RRM2: variants seen among roughly 807,000 people sequenced by gnomAD.
RRM2 encodes ribonucleoside-diphosphate reductase subunit M2.
Under a neutral mutation model 45.9 loss-of-function variants are expected in RRM2, and 6 were observed. The ratio of observed to expected loss-of-function variants is 0.13; its 90% CI spans 0.07 to 0.26. The LOEUF (loss-of-function observed/expected upper bound fraction) is 0.26. RRM2 is among the 10% of genes least tolerant of loss of function. The pLI, the probability that RRM2 is intolerant of heterozygous loss-of-function variation, is 1.00. For missense variants in RRM2, 343 were observed against 489.5 expected (o/e 0.70, Z 2.82); for synonymous variants, 177 against 173.0 (o/e 1.02, Z -0.18).
intron 3 of RRM2, among the ~76,000 whole-genome samples, chr2:10,176,174 T>C (rs1230269232): frequency 6.6e-6 from 1 of 152,234 alleles, no homozygotes; most frequent in Non-Finnish European, 1.5e-5. Context: ...GCTGTGAACA[T>C]GTGTGCACAA....
chr2:10,196,322 C>CA (rs1008467950), intron 3 of RRM2, among the ~76,000 whole-genome samples: 3 of 152,218 alleles, frequency 2.0e-5, no homozygotes, highest in Non-Finnish European at 2.9e-5. Context: ...GTCTCCCAGG[C>CA]AGCCTTCTTG....
chr2:10,201,167 G>T (rs1331781922), intron 3 of RRM2, among the ~76,000 whole-genome samples: 1 of 148,808 alleles, frequency 6.7e-6, no homozygotes, highest in African/African-American at 2.5e-5. Flanking sequence ...AAAAAAGAAA[G>T]AAAGAAAGAA....
intron 3 of RRM2, among the ~76,000 whole-genome samples, chr2:10,174,548 G>GACT (rs2125323435): frequency 6.8e-6 from 1 of 147,416 alleles, no homozygotes; most frequent in East Asian, 2.0e-4. Context: ...AGACCTCAAT[G>GACT]ACTGTAGACT....
At chr2:10,190,798 G>A (rs1572527540) in intron 3 of RRM2, among the ~76,000 whole-genome samples, 1 of 149,314 alleles carries the variant, frequency 6.7e-6, no homozygotes, top group African/African-American at 2.5e-5. Flanking sequence ...GTGATGGTGG[G>A]GTTGGTGGTG....
Position 10,200,432 on chromosome 2 carries a change from C to T in RRM2, n.483-9879C>T, listed in dbSNP as rs553889610. On this transcript the variant is annotated intron_variant and non_coding_transcript_variant, in intron 3 of 3. Coordinates refer to the RRM2 transcript ENST00000381786. ...CAAAATATGAGGCCCACAGGGACCG[C>T]GCGCGCAAAATATGAGGCCCACAGG... 3.6e-4 allele frequency among the ~76,000 whole-genome samples: 49 copies of T among 137,812 alleles called. 2 individuals are homozygous for T. Among genetic ancestry groups the T allele is most frequent in the African/African-American group, 1.3e-3 (47 of 36,488 alleles). 90.4% of individuals were successfully genotyped at this position (137,812 alleles called of 152,430 possible).
intron 3 of RRM2, among the ~76,000 whole-genome samples, chr2:10,191,801 C>T (rs891429428): frequency 5.3e-5 from 8 of 152,146 alleles, no homozygotes; most frequent in African/African-American, 1.7e-4. Context: ...TCAGACCTGG[C>T]GTGGGAGCTG....
chr2:10,190,535 G>A (rs1314729548), intron 3 of RRM2, among the ~76,000 whole-genome samples: 1 of 151,018 alleles, frequency 6.6e-6, no homozygotes, highest in East Asian at 1.9e-4. Flanking sequence ...TAATGATGGT[G>A]TTGATGGTGG....
At chr2:10,180,640 C>G (rs944329697) in intron 3 of RRM2, among the ~76,000 whole-genome samples, 3 of 152,218 alleles carry the variant, frequency 2.0e-5, no homozygotes, top group African/African-American at 7.2e-5. Flanking sequence ...GTCCTTCTTT[C>G]TCTTCTTCTA....
chr2:10,184,292 CCTT>C (rs1664120322), intron 3 of RRM2, among the ~76,000 whole-genome samples: 2 of 152,074 alleles, frequency 1.3e-5, no homozygotes, highest in South Asian at 2.1e-4. Context: ...ATAAGCAATC[CCTT>C]CTTTTCTTTT....
At chr2:10,141,566 A>C in exon 1 of RRM2, 1 of 426,610 alleles carries the variant, frequency 2.3e-6, no homozygotes, top group East Asian at 4.5e-5. Flanking sequence ...GTTGTGCTGG[A>C]ATGGAGGAGG....
In RRM2 at chr2:10,200,696, G is replaced by GGCCCACAGGGAC. The variant is rs1206463022; in HGVS notation, n.483-9615_483-9614insGCCCACAGGGAC. 1.1e-3 allele frequency among the ~76,000 whole-genome samples: 148 copies of GGCCCACAGGGAC among 135,468 alleles called. 2 individuals are homozygous for GGCCCACAGGGAC. Among genetic ancestry groups the GGCCCACAGGGAC allele is most frequent in the Non-Finnish European group, 2.2e-3 (127 of 59,068 alleles). 88.9% of individuals were successfully genotyped at this position (135,468 alleles called of 152,430 possible). On this transcript the variant is annotated intron_variant and non_coding_transcript_variant, in intron 3 of 3. Coordinates refer to the RRM2 transcript ENST00000381786. ...CAGGGACTGCGCGCACAAATTATGA[G>GGCCCACAGGGAC]TCCCACGGGGACCGCGCACACAAAA...
chr2:10,184,184 C>T (rs1401766438), intron 3 of RRM2, among the ~76,000 whole-genome samples: 4 of 144,664 alleles, frequency 2.8e-5, no homozygotes, highest in African/African-American at 7.6e-5. Context: ...CTTGGGGAGA[C>T]AAAGCTTGGT....
In RRM2 at chr2:10,169,438, C is replaced by T. The variant is rs977528365; in HGVS notation, n.482+27063C>T. 2.0e-5 allele frequency among the ~76,000 whole-genome samples: 3 copies of T among 152,200 alleles called. No individual in the cohort carries two copies. Among genetic ancestry groups the T allele is most frequent in the Non-Finnish European group, 4.4e-5 (3 of 68,040 alleles). ...AAGTGCTCATAGGCGCTGTGAAGGC[C>T]TTGATGTCCTCTGGTGCCAACGCAA... On this transcript the variant is annotated intron_variant and non_coding_transcript_variant, in intron 3 of 3. Coordinates refer to the RRM2 transcript ENST00000381786. The surrounding 1 kb of genome is among the most constrained non-coding windows in gnomAD (Gnocchi z 5.1).
rs755609030 is a variant in RRM2, at chr2:10,123,741, C to T, written c.324C>T (p.Asp108=). 1.3e-6 allele frequency: 2 copies of T among 1,590,516 alleles called. No individual in the cohort carries two copies. Among genetic ancestry groups the T allele is most frequent in the South Asian group, 1.1e-5 (1 of 90,428 alleles). The part of the protein sequence containing the change: ...EASFWTAEEV[D]LSKDIQHWES... ...TTGTGACTTCCGAACCTCAGGTGGA[C>T]CTCTCCAAGGACATTCAGCACTGGG... is the stretch of plus-strand genomic sequence containing the variant. Residue 108 remains aspartate, a synonymous_variant, in exon 4 of 10, where the codon GAC becomes GAT. Transcript: ENST00000304567.
At chr2:10,194,403 G>T (rs766120082) in intron 3 of RRM2, among the ~76,000 whole-genome samples, 14 of 152,240 alleles carry the variant, frequency 9.2e-5, no homozygotes, top group Non-Finnish European at 1.9e-4. Context: ...GCTCATCTGT[G>T]ACACAGAAAT....
intron 3 of RRM2, among the ~76,000 whole-genome samples, chr2:10,188,672 A>T (rs769777551): frequency 1.3e-5 from 2 of 151,394 alleles, no homozygotes; most frequent in Non-Finnish European, 2.9e-5. Context: ...CTTGAGGGGG[A>T]TAAAGGGCAG....
At chr2:10,177,710 T>TTCCTTCCTCCCTCCCTCCCTCCCTCC (rs1553326755) in intron 3 of RRM2, among the ~76,000 whole-genome samples, 1 of 116,488 alleles carries the variant, frequency 8.6e-6, no homozygotes, top group Admixed American at 9.2e-5. Flanking sequence ...TTCCTTCCTC[T>TTCCTTCCTCCCTCCCTCCCTCCCTCC]CTCCCTCCCT....
chr2:10,128,557 G>A (rs1662830126), intron 7 of RRM2, among the ~76,000 whole-genome samples: 1 of 152,214 alleles, frequency 6.6e-6, no homozygotes, highest in South Asian at 2.1e-4. Flanking sequence ...AGATCACTGA[G>A]TGAAGCTCTG....
intron 3 of RRM2, among the ~76,000 whole-genome samples, chr2:10,188,140 T>C (rs920951606): frequency 1.3e-5 from 2 of 152,146 alleles, no homozygotes; most frequent in Non-Finnish European, 2.9e-5. Flanking sequence ...CCCCAGGGCT[T>C]CCCCCTCCCA....
Sources: gnomAD v4.1 joint callset for allele counts (sites outside exome capture counted in the v4.1 genomes callset) on GRCh38, gnomAD v4.1.1 for gene constraint, Gnocchi (gnomAD v3.1) non-coding constraint, MANE v1.5 for transcripts, NCBI Gene and HGNC (gene_info 2026-07-23, HGNC 2026-07-21) for gene names.